The following TGFB1 variants were observed in gnomAD, a reference collection of about 807,000 sequenced individuals.
TGFB1 encodes transforming growth factor beta-1 proprotein.
TGFB1 carries 19 observed loss-of-function variants against 43.8 expected under a neutral mutation model. That is an observed-to-expected ratio of 0.43 (90% CI 0.30 to 0.64). TGFB1 has a LOEUF of 0.64. Among genes scored for constraint, TGFB1 ranks in the 30% least tolerant of loss-of-function variants. The probability of loss-of-function intolerance (pLI) is 0.11; values close to 1 mark genes in which losing one functional copy is unlikely to be tolerated. For synonymous variants in TGFB1, 221 were observed against 236.3 expected (o/e 0.94, Z 0.60); for missense variants, 445 against 529.8 (o/e 0.84, Z 1.57).
In TGFB1 at chr19:41,332,090, C is replaced by T. The variant is rs780130321; in HGVS notation, c.1014+38G>A. On this transcript the variant is annotated intron_variant, in intron 6 of 6. Transcript: ENST00000221930. The stretch of plus-strand genomic sequence containing the variant: ...TCTCCTCTTCCTCCGTCCTGGCTCC[C>T]CCCAAGCGCATCTCGTAGCCCGGTG... The T allele has an allele frequency of 1.9e-6, 3 of 1,601,486 alleles. No individual in the cohort carries two copies. The East Asian group carries it at 6.7e-5, about 36-fold the overall frequency.
chr19:41,352,374 A>G (rs1457886087), intron 1 of TGFB1, among the ~76,000 whole-genome samples: 2 of 103,276 alleles, frequency 1.9e-5, no homozygotes, highest in Non-Finnish European at 3.6e-5. Flanking sequence ...GTCCTGGAAG[A>G]GGGAGCCTTC....
intron 5 of TGFB1, among the ~76,000 whole-genome samples, chr19:41,341,512 C>A (rs1339873783): frequency 8.0e-6 from 1 of 125,054 alleles, no homozygotes; most frequent in African/African-American, 2.9e-5. Flanking sequence ...CCCAACATTA[C>A]AAGACTCCCA....
chr19:41,347,313 A>G (rs962985611), intron 2 of TGFB1, among the ~76,000 whole-genome samples: 1 of 152,138 alleles, frequency 6.6e-6, no homozygotes, highest in Non-Finnish European at 1.5e-5. Flanking sequence ...GTGAGCCACT[A>G]TGCCTGGCCC....
At chr19:41,337,390 C>T (rs1017957254) in intron 5 of TGFB1, among the ~76,000 whole-genome samples, 3 of 152,152 alleles carry the variant, frequency 2.0e-5, no homozygotes, top group African/African-American at 7.2e-5. Flanking sequence ...GTCCACCCAC[C>T]TTGGCCTCCC....
chr19:41,350,498 G>A (rs1015696229), intron 1 of TGFB1, among the ~76,000 whole-genome samples: 18 of 151,920 alleles, frequency 1.2e-4, no homozygotes, highest in Non-Finnish European at 4.4e-5. Context: ...AGTAGAGACC[G>A]GGTTTCACCA....
At chr19:41,342,563 G>A (rs1398595622) in intron 3 of TGFB1, among the ~76,000 whole-genome samples, 1 of 149,466 alleles carries the variant, frequency 6.7e-6, no homozygotes, top group Non-Finnish European at 1.5e-5. Context: ...TGCCCAGGCT[G>A]GAGTTCAGTG....
At position 41,331,076 on chromosome 19, in the gene TGFB1, G is replaced by A. The variant is rs768959025; in HGVS notation, c.1149C>T (p.Ile383=). The A allele has an allele frequency of 8.9e-6, 14 of 1,580,978 alleles. No homozygotes were observed. In the Admixed American group the frequency reaches 1.8e-4, roughly 21 times the overall value. Residue 383 remains isoleucine, a synonymous_variant, in exon 7 of 7, where the codon ATC becomes ATT. Coordinates refer to ENST00000221930, the MANE Select transcript of TGFB1 (RefSeq NM_000660.7). ...KPKVEQLSNM[I]VRSCKCS is the part of the protein sequence containing the mutation. ...CTCAGCTGCACTTGCAGGAGCGCAC[G>A]ATCATGTTGGACAGCTGCTCCACCT... is the stretch of plus-strand genomic sequence containing the variant.
chr19:41,335,039 G>T (rs777078254), intron 5 of TGFB1, among the ~76,000 whole-genome samples: 3 of 150,734 alleles, frequency 2.0e-5, no homozygotes, highest in Non-Finnish European at 4.4e-5. Flanking sequence ...AAAAGGGGAA[G>T]AACTAGTGTC....
Position 41,341,874 on chromosome 19 carries a change from A to T in TGFB1, c.860+9T>A, listed in dbSNP as rs1396056928. ...CCTGGAAGGCCTCCATCCAGGCTAC[A>T]AGGCTCACCTGAAGCAATAGTTGGT... On this transcript the variant is annotated intron_variant, in intron 5 of 6. Coordinates refer to ENST00000221930, the MANE Select transcript of TGFB1 (RefSeq NM_000660.7). 4 of 1,613,046 alleles carry T rather than the reference A, an allele frequency of 2.5e-6. No individual in the cohort carries two copies. Among genetic ancestry groups the T allele is most frequent in the Middle Eastern group, 1.9e-4 (1 of 5,304 alleles).
chr19:41,331,566 CTTTTTT>C (rs3061187), intron 6 of TGFB1, among the ~76,000 whole-genome samples: 1 of 77,506 alleles, frequency 1.3e-5, no homozygotes, highest in Non-Finnish European at 2.4e-5. Context: ...CCACTCCTAG[CTTTTTT>C]TTTTTTTTTT....
At chr19:41,332,051 T>G (rs1229974946) in intron 6 of TGFB1, 77 bp downstream of exon 6, 14 of 1,556,306 alleles carry the variant, frequency 9.0e-6, no homozygotes, top group African/African-American at 2.7e-5. Context: ...TCTCTGACTT[T>G]ACTTCTCTTT....
rs1214170761 is a variant in TGFB1 at position 41,352,936 on chromosome 19, C to G, written c.109G>C (p.Asp37His). The change falls in exon 1 of 7, where the codon GAC becomes CAC. Residue 37 changes from aspartate (D) to histidine (H), a missense_variant. Physicochemically the swap from Asp to His is moderately conservative, Grantham distance 81. Around this residue, in one of 3 missense-constraint regions of TGFB1, gnomAD observed 366 missense variants for 428.8 expected, o/e 0.85. Coordinates refer to ENST00000221930, the MANE Select transcript of TGFB1 (RefSeq NM_000660.7). ...CGCTTCCGCTTCACCAGCTCCATGT[C>G]GATAGTCTTGCAGGTGGATAGTCCC... ...AAGLSTCKTI[D>H]MELVKRKRIE... 1 of 1,554,712 alleles carries G rather than the reference C, an allele frequency of 6.4e-7. No individual in the cohort carries two copies. Among genetic ancestry groups the G allele is most frequent in the Admixed American group, 1.9e-5 (1 of 51,716 alleles).
chr19:41,342,459 C>A (rs2038069456), intron 3 of TGFB1, among the ~76,000 whole-genome samples: 1 of 150,838 alleles, frequency 6.6e-6, no homozygotes, highest in Non-Finnish European at 1.5e-5. Context: ...AAGCAATCCT[C>A]CCATCTCAGC....
At chr19:41,338,191 C>CAAAA (rs112843512) in intron 5 of TGFB1, among the ~76,000 whole-genome samples, 1 of 135,820 alleles carries the variant, frequency 7.4e-6, no homozygotes. Context: ...GACTCTGTCT[C>CAAAA]AAAAAAAAAA....
intron 2 of TGFB1, among the ~76,000 whole-genome samples, chr19:41,346,016 A>G (rs2038112861): frequency 6.6e-6 from 1 of 152,076 alleles, no homozygotes; most frequent in African/African-American, 2.4e-5. Flanking sequence ...AGAGTCTGCC[A>G]TGCCGCACCT....
intron 3 of TGFB1, 68 bp downstream of exon 3, chr19:41,344,679 G>T (rs2038095475): frequency 2.8e-6 from 4 of 1,453,824 alleles, no homozygotes; most frequent in Admixed American, 1.7e-5. Flanking sequence ...TAGGCAAAGT[G>T]ACCCCAGGAC....
intron 5 of TGFB1, among the ~76,000 whole-genome samples, chr19:41,339,792 C>G (rs1599886985): frequency 6.6e-6 from 1 of 152,114 alleles, no homozygotes; most frequent in Non-Finnish European, 1.5e-5. Flanking sequence ...CCACTGCACT[C>G]CAGCCTGGGC....
At chr19:41,340,208 G>A (rs2038038957) in intron 5 of TGFB1, among the ~76,000 whole-genome samples, 1 of 147,142 alleles carries the variant, frequency 6.8e-6, no homozygotes, top group South Asian at 2.2e-4. Flanking sequence ...ACATTCCAAA[G>A]TTCTGAGCCA....
At position 41,344,540 on chromosome 19, in the gene TGFB1, G is replaced by A. The variant is rs1277119061; in HGVS notation, c.634+207C>T. Among the ~76,000 whole-genome samples, 3 of 152,296 alleles carry A rather than the reference G, an allele frequency of 2.0e-5. No homozygotes were observed. The East Asian group carries it at 5.8e-4, about 29-fold the overall frequency. ...TGTTTTGGTCATTGCTGTGTCCTTG[G>A]CATCACCCATCACAGGGCAGGGCAG... On this transcript the variant is annotated intron_variant, in intron 3 of 6. Coordinates refer to ENST00000221930, the MANE Select transcript of TGFB1 (RefSeq NM_000660.7).
Sources: gnomAD v4.1 joint callset for allele counts (sites outside exome capture counted in the v4.1 genomes callset) on GRCh38, gnomAD v4.1.1 for gene constraint, gnomAD v4.1.1 regional missense constraint, MANE v1.5 for transcripts, NCBI Gene and HGNC (gene_info 2026-07-23, HGNC 2026-07-21) for gene names.